CREB3L1: variants seen among roughly 807,000 people sequenced by gnomAD.
CREB3L1 encodes the protein cyclic AMP-responsive element-binding protein 3-like protein 1.
In CREB3L1, 33 loss-of-function variants were observed where a neutral mutation model predicts 54.5. That is an observed-to-expected ratio of 0.61 (90% CI 0.46 to 0.81). The LOEUF (loss-of-function observed/expected upper bound fraction) is 0.81, where lower values mean the gene tolerates loss of function less well. CREB3L1 is among the 30% of genes least tolerant of loss of function. The pLI is 0.00. For synonymous variants in CREB3L1, 284 were observed against 286.4 expected, an observed-to-expected ratio of 0.99 and a Z score of 0.08; for missense variants, 656 against 673.3, an observed-to-expected ratio of 0.97 and a Z score of 0.29.
intron 1 of CREB3L1, among the ~76,000 whole-genome samples, chr11:46,285,391 T>C (rs1052815587): frequency 6.6e-6 from 1 of 152,084 alleles, no homozygotes; most frequent in African/African-American, 2.4e-5. Context: ...TGAGCAGCCC[T>C]GGGGAAGCCA....
intron 1 of CREB3L1, among the ~76,000 whole-genome samples, chr11:46,294,787 A>G (rs1306105199): frequency 6.6e-6 from 1 of 151,300 alleles, no homozygotes; most frequent in Non-Finnish European, 1.5e-5. Flanking sequence ...TGAAATGGGG[A>G]CAATTTTCTA....
intron 1 of CREB3L1, among the ~76,000 whole-genome samples, chr11:46,279,782 G>A (rs972670662): frequency 1.3e-5 from 2 of 152,196 alleles, no homozygotes; most frequent in African/African-American, 4.8e-5. Flanking sequence ...AAGTCAAGCA[G>A]GGCAGTAGAG....
chr11:46,290,003 C>T (rs572771036), intron 1 of CREB3L1, among the ~76,000 whole-genome samples: 1 of 152,292 alleles, frequency 6.6e-6, no homozygotes, highest in South Asian at 2.1e-4. Context: ...AGTTGTGGGA[C>T]CTCCCTGAGC....
intron 8 of CREB3L1, among the ~76,000 whole-genome samples, 193 bp downstream of exon 8, chr11:46,313,112 C>G (rs1253838793): frequency 1.3e-5 from 2 of 152,160 alleles, no homozygotes; most frequent in African/African-American, 4.8e-5. Context: ...TCCTCACCTA[C>G]ACCTGGCAGG....
intron 10 of CREB3L1, among the ~76,000 whole-genome samples, chr11:46,319,619 G>A (rs866532371): frequency 1.6e-4 from 25 of 151,982 alleles, no homozygotes; most frequent in Non-Finnish European, 3.1e-4. Context: ...AACTCACTCC[G>A]GTAATCTCAG....
In CREB3L1 at chr11:46,320,515, T is replaced by C. The variant is rs1317977752; in HGVS notation, c.1510T>C (p.Trp504Arg). 9 of 1,505,496 alleles carry C rather than the reference T, an allele frequency of 6.0e-6. No individual in the cohort carries two copies. The highest frequency in any genetic ancestry group is 7.9e-6 in the Non-Finnish European group (9 of 1,133,122). The allele number at this position is 1,505,496 out of a possible 1,614,324, so 93.3% of individuals were successfully genotyped here. Residue 504 changes from tryptophan (W) to arginine (R), a missense_variant, in exon 11 of 12, where the codon TGG becomes CGG. By Grantham distance (101) the Trp-to-Arg change is moderately radical (BLOSUM62 -3). Coordinates refer to ENST00000621158, the MANE Select transcript of CREB3L1 (RefSeq NM_052854.4). ...CCCCGACTTCTCCCACTCCAAGGAG[T>C]GGTTCCACGACAGGTGGGGTGTGTG... ...TSPDFSHSKE[W>R]FHDRDLGPNT... is the part of the protein sequence containing the mutation.
intron 10 of CREB3L1, 68 bp downstream of exon 10, chr11:46,317,555 C>A: frequency 1.3e-6 from 2 of 1,579,416 alleles, no homozygotes; most frequent in East Asian, 2.2e-5. Context: ...AGTGTCCAGG[C>A]AGAAGCCAGA....
At chr11:46,305,368 C>T (rs923799316) in intron 2 of CREB3L1, among the ~76,000 whole-genome samples, 2 of 152,068 alleles carry the variant, frequency 1.3e-5, no homozygotes, top group South Asian at 4.1e-4. Flanking sequence ...CCGCCTCCTC[C>T]ACCCGCCTCA....
chr11:46,316,176 G>A (rs535436308), intron 8 of CREB3L1, 110 bp from the exon 9 acceptor site: 9 of 668,962 alleles, frequency 1.3e-5, no homozygotes, highest in Non-Finnish European at 2.4e-5. Flanking sequence ...TGACTGAAAC[G>A]GGCACCTGGC....
chr11:46,289,998 T>C (rs1050760436), intron 1 of CREB3L1, among the ~76,000 whole-genome samples: 1 of 152,186 alleles, frequency 6.6e-6, no homozygotes, highest in Admixed American at 6.5e-5. Context: ...AACAGAGTTG[T>C]GGGACCTCCC....
chr11:46,299,077 A>G (rs1311239639), intron 1 of CREB3L1, among the ~76,000 whole-genome samples: 1 of 152,098 alleles, frequency 6.6e-6, no homozygotes, highest in Non-Finnish European at 1.5e-5. Flanking sequence ...CACACACACA[A>G]CTGTGATTTT....
chr11:46,288,579 G>A (rs1227105371), intron 1 of CREB3L1, among the ~76,000 whole-genome samples: 1 of 152,120 alleles, frequency 6.6e-6, no homozygotes, highest in Non-Finnish European at 1.5e-5. Flanking sequence ...GGAGATGGAA[G>A]GCTCTTTCCT....
rs1477760579 is a variant in CREB3L1, at chr11:46,300,032, A to T, written c.200A>T (p.Lys67Met). 2.5e-6 allele frequency: 4 copies of T among 1,613,666 alleles called. No individual in the cohort carries two copies. The highest frequency in any genetic ancestry group is 3.4e-6 in the Non-Finnish European group (4 of 1,179,576). Reference protein sequence around the residue: ...SFFDDPVLDEKSPLLDMELDS... With the variant: ...SFFDDPVLDEMSPLLDMELDS... ...TTTGATGACCCTGTGCTGGATGAGA[A>T]GAGCCCTCTATTGGACATGGAACTG... Residue 67 changes from lysine (K) to methionine (M), a missense_variant, in exon 2 of 12, where the codon AAG becomes ATG. Physicochemically the swap from Lys to Met is moderately conservative, Grantham distance 95. This residue lies in a region of CREB3L1 where 339 missense variants were observed against 331.5 expected (regional missense o/e 1.02). Transcript: ENST00000621158.
At position 46,320,215 on chromosome 11, in the gene CREB3L1, A is replaced by G. The variant is rs751687581; in HGVS notation, c.1259-49A>G. The G allele has an allele frequency of 2.0e-6, 3 of 1,528,414 alleles. No homozygotes were observed. The Admixed American group carries it at 6.4e-5, about 32-fold the overall frequency. The allele number at this position is 1,528,414 out of a possible 1,614,324, so 94.7% of individuals were successfully genotyped here. A position where few individuals can be genotyped will look rare whatever the true frequency, so the allele number is the denominator to read the frequency against. On this transcript the variant is annotated intron_variant, in intron 10 of 11. Transcript: ENST00000621158. ...CCACTAGGCCATGAATGTGGCCAGG[A>G]TGTTGAGGGAATCTTGGGCACACCG...
intron 5 of CREB3L1, among the ~76,000 whole-genome samples, chr11:46,311,497 C>A (rs1939484593): frequency 6.6e-6 from 1 of 150,672 alleles, no homozygotes; most frequent in Admixed American, 6.6e-5. Context: ...CCGTGTCTGG[C>A]TTTTTTTTGT....
At chr11:46,316,476 G>T (rs375388950) in intron 9 of CREB3L1, 91 bp downstream of exon 9, 2 of 850,202 alleles carry the variant, frequency 2.4e-6, no homozygotes, top group Non-Finnish European at 1.9e-6. Flanking sequence ...TTTAAGGATC[G>T]GTAACATCGT....
At position 46,300,040 on chromosome 11, in the gene CREB3L1, C is replaced by A. The variant is rs1462091186; in HGVS notation, c.208C>A (p.Leu70Ile). Residue 70 changes from leucine (L) to isoleucine (I), a missense_variant, in exon 2 of 12, where the codon CTA becomes ATA. Leu to Ile is a conservative substitution (Grantham distance 5). Coordinates refer to ENST00000621158, the MANE Select transcript of CREB3L1 (RefSeq NM_052854.4). ...DDPVLDEKSP[L>I]LDMELDSPTP... ...CCCTGTGCTGGATGAGAAGAGCCCT[C>A]TATTGGACATGGAACTGGACTCCCC... 6.2e-7 allele frequency: 1 copy of A among 1,613,970 alleles called. No individual in the cohort carries two copies. Among genetic ancestry groups the A allele is most frequent in the Non-Finnish European group, 8.5e-7 (1 of 1,179,874 alleles).
intron 7 of CREB3L1, 52 bp downstream of exon 7, chr11:46,312,722 C>G (rs1939510474): frequency 6.3e-7 from 1 of 1,575,370 alleles, no homozygotes; most frequent in Admixed American, 1.9e-5. Context: ...GACCTGCCCT[C>G]CCCTAGGCCC....
chr11:46,307,954 C>A lies in CREB3L1; in HGVS notation c.470C>A (p.Pro157Gln). 6.4e-7 allele frequency: 1 copy of A among 1,567,002 alleles called. No individual in the cohort carries two copies. Among genetic ancestry groups the A allele is most frequent in the East Asian group, 2.4e-5 (1 of 41,652 alleles). ...GCCGCGGCCGCCATGGCCACCACCCCGCTGCTGGGCCTCAGCCCCTTGTCC... is the reference window on the plus strand; with the variant it reads ...GCCGCGGCCGCCATGGCCACCACCCAGCTGCTGGGCCTCAGCCCCTTGTCC... ...MAAAAAMATT[P>Q]LLGLSPLSRL... is the part of the protein sequence containing the mutation. The change falls in exon 3 of 12, where the codon CCG (proline) becomes CAG (glutamine). Residue 157 changes from proline to glutamine, a missense_variant. Coordinates refer to ENST00000621158, the MANE Select transcript of CREB3L1 (RefSeq NM_052854.4).
Sources: allele counts gnomAD v4.1 joint callset (sites outside exome capture counted in the v4.1 genomes callset), GRCh38; gene constraint gnomAD v4.1.1; regional missense constraint gnomAD v4.1.1; transcripts MANE v1.5; gene names NCBI Gene and HGNC (gene_info 2026-07-23, HGNC 2026-07-21).